Variants in IMMP2L observed in about 807,000 individuals in gnomAD.
IMMP2L encodes the protein mitochondrial inner membrane protease subunit 2.
In IMMP2L, 18 loss-of-function variants were observed where a neutral mutation model predicts 19.3. The ratio of observed to expected loss-of-function variants is 0.93; its 90% CI spans 0.64 to 1.38. IMMP2L has a LOEUF of 1.38. IMMP2L is among the 40% of genes most tolerant of loss of function. IMMP2L has a pLI of 0.00. For synonymous variants in IMMP2L, 76 were observed against 73.0 expected (o/e 1.04, Z -0.21); for missense variants, 233 against 218.2 (o/e 1.07, Z -0.43).
chr7:111,275,594 A>G (rs543422231), intron 3 of IMMP2L, among the ~76,000 whole-genome samples: 1 of 152,316 alleles, frequency 6.6e-6, no homozygotes, highest in African/African-American at 2.4e-5. Flanking sequence ...TTCACAAGGT[A>G]ACACAATTAA....
chr7:111,387,576 T>C (rs1302180575), intron 3 of IMMP2L, among the ~76,000 whole-genome samples: 1 of 152,116 alleles, frequency 6.6e-6, no homozygotes, highest in African/African-American at 2.4e-5. Context: ...ATCTTTAACA[T>C]CAAAAATGGC....
intron 3 of IMMP2L, among the ~76,000 whole-genome samples, chr7:111,061,119 G>A (rs752731113): frequency 7.9e-5 from 12 of 152,146 alleles, no homozygotes; most frequent in East Asian, 1.9e-4. Flanking sequence ...CACCTGAGAC[G>A]GAGGAGTTTC....
intron 3 of IMMP2L, among the ~76,000 whole-genome samples, chr7:111,316,845 C>CTTT (rs869155077): frequency 1.2e-3 from 91 of 75,908 alleles, no homozygotes; most frequent in Admixed American, 1.5e-3. Flanking sequence ...TTTTTTTTTT[C>CTTT]TTTTTTTTTT....
In IMMP2L at chr7:111,525,494, C is replaced by T. The variant is rs376761243; in HGVS notation, c.-2-4045G>A. On this transcript the variant is annotated intron_variant, in intron 1 of 5. Coordinates refer to ENST00000405709, the MANE Select transcript of IMMP2L (RefSeq NM_032549.4). ...TTTGAAATAATCATCTATCTGAAAGCCTGGATAGGACAAAAATGGATATAG... is the reference window on the plus strand; with the variant it reads ...TTTGAAATAATCATCTATCTGAAAGTCTGGATAGGACAAAAATGGATATAG... Among the ~76,000 whole-genome samples the T allele has an allele frequency of 5.1e-4, 78 of 152,144 alleles. 2 individuals are homozygous for T. Among genetic ancestry groups the T allele is most frequent in the African/African-American group, 1.7e-3 (72 of 41,514 alleles).
At chr7:110,986,146 G>A (rs1821825149) in intron 3 of IMMP2L, among the ~76,000 whole-genome samples, 1 of 152,052 alleles carries the variant, frequency 6.6e-6, no homozygotes, top group Non-Finnish European at 1.5e-5. Flanking sequence ...TCTAACTTCT[G>A]TCATACAGTA....
intron 5 of IMMP2L, among the ~76,000 whole-genome samples, chr7:110,853,137 C>A (rs997538427): frequency 6.6e-6 from 1 of 151,372 alleles, no homozygotes; most frequent in Non-Finnish European, 1.5e-5. Flanking sequence ...TATCTGAGTA[C>A]ACACACACAC....
rs557113119 is a variant in IMMP2L at position 111,530,261 on chromosome 7, G to T, written c.-2-8812C>A. Among the ~76,000 whole-genome samples the T allele has an allele frequency of 3.3e-4, 50 of 152,288 alleles. 1 individual carries two copies. Among genetic ancestry groups the T allele is most frequent in the Non-Finnish European group, 6.5e-4 (44 of 68,012 alleles). On this transcript the variant is annotated intron_variant, in intron 1 of 5. Coordinates refer to ENST00000405709, the MANE Select transcript of IMMP2L (RefSeq NM_032549.4). The stretch of plus-strand genomic sequence containing the variant: ...ACATAAGCATTTGTGTAAAGAAAAT[G>T]ACTAGATCATCAAATAAAGGATATT...
At chr7:111,185,811 T>A (rs1808208326) in intron 3 of IMMP2L, among the ~76,000 whole-genome samples, 1 of 152,184 alleles carries the variant, frequency 6.6e-6, no homozygotes, top group Non-Finnish European at 1.5e-5. Flanking sequence ...TAAACAGATA[T>A]GAGTAATTAG....
intron 5 of IMMP2L, among the ~76,000 whole-genome samples, chr7:110,740,815 A>G (rs1219546089): frequency 6.6e-6 from 1 of 152,138 alleles, no homozygotes; most frequent in African/African-American, 2.4e-5. Flanking sequence ...GTGGGAATGT[A>G]AACTAGTACA....
chr7:111,529,379 TA>T (rs1396366731), intron 1 of IMMP2L, among the ~76,000 whole-genome samples: 1 of 152,190 alleles, frequency 6.6e-6, no homozygotes, highest in African/African-American at 2.4e-5. Context: ...GCAAGTAATC[TA>T]TAGAAAGCAA....
chr7:110,886,654 C>T lies in IMMP2L; in HGVS notation c.347G>A (p.Gly116Asp). ...ATGATCACCTTCAACCCAGATGTGA[C>T]CACGGGGGACTTTGACATACCGGTT... is the stretch of plus-strand genomic sequence containing the variant. ...HKNRYVKVPR[G>D]HIWVEGDHHG... The change falls in exon 5 of 6, where the codon GGT becomes GAT. Residue 116 changes from glycine (G) to aspartate (D), a missense_variant. Gly to Asp is a moderately conservative substitution (Grantham distance 94). Transcript: ENST00000405709. 1 of 1,608,872 alleles carries T rather than the reference C, an allele frequency of 6.2e-7. No homozygotes were observed. Among genetic ancestry groups the T allele is most frequent in the Non-Finnish European group, 8.5e-7 (1 of 1,175,526 alleles).
rs1326263684 is a variant in IMMP2L at position 111,503,723 on chromosome 7, A to C, written c.136-16382T>G. On this transcript the variant is annotated intron_variant, in intron 2 of 5. Transcript: ENST00000405709. ...AAACAGAACCAAAGACAAAAACCAC[A>C]TGATTATCTCAATAGATGCAGAAAA... Among the ~76,000 whole-genome samples the C allele has an allele frequency of 2.0e-5, 3 of 152,186 alleles. No individual in the cohort carries two copies. In the East Asian group the frequency reaches 5.8e-4, roughly 29 times the overall value.
Position 110,663,622 on chromosome 7 carries a change from C to T in IMMP2L, c.508G>A (p.Val170Ile). 6.2e-7 allele frequency: 1 copy of T among 1,613,320 alleles called. No individual in the cohort carries two copies. Among genetic ancestry groups the T allele is most frequent in the South Asian group, 1.1e-5 (1 of 91,032 alleles). ...TGCAGTCATTCCTCTTCTCTCTGTA[C>T]TGGTAAGCGCTCTGGAGGAAGAACA... ...ESVLPPERLP[V>I]QREEE Residue 170 changes from valine to isoleucine, a missense_variant, in exon 6 of 6, where the codon GTA becomes ATA. Coordinates refer to ENST00000405709, the MANE Select transcript of IMMP2L (RefSeq NM_032549.4).
At chr7:111,080,181 T>G (rs1795772163) in intron 3 of IMMP2L, among the ~76,000 whole-genome samples, 1 of 152,166 alleles carries the variant, frequency 6.6e-6, no homozygotes, top group Non-Finnish European at 1.5e-5. Context: ...TTAATTGAAA[T>G]GTAGGACTGT....
rs183411660 is a variant in IMMP2L at position 110,959,012 on chromosome 7, A to C, written c.305+4488T>G. 6.6e-5 allele frequency among the ~76,000 whole-genome samples: 10 copies of C among 152,106 alleles called. No individual in the cohort carries two copies. In the East Asian group the frequency reaches 1.9e-3, roughly 30 times the overall value. ...GGTACCCTTAAGTGCTCTTTAAGCTATATTTCACTACATATCTGCTTTTGC... is the reference window on the plus strand; with the variant it reads ...GGTACCCTTAAGTGCTCTTTAAGCTCTATTTCACTACATATCTGCTTTTGC... On this transcript the variant is annotated intron_variant, in intron 4 of 5. Coordinates refer to ENST00000405709, the MANE Select transcript of IMMP2L (RefSeq NM_032549.4).
chr7:110,930,877 A>G (rs1477753429), intron 4 of IMMP2L, among the ~76,000 whole-genome samples: 1 of 152,248 alleles, frequency 6.6e-6, no homozygotes, highest in Admixed American at 6.5e-5. Flanking sequence ...AGCTATGTTT[A>G]TACACATTTA....
At chr7:111,375,031 G>A (rs769749620) in intron 3 of IMMP2L, among the ~76,000 whole-genome samples, 50 of 152,058 alleles carry the variant, frequency 3.3e-4, no homozygotes, top group African/African-American at 9.6e-4. Flanking sequence ...CCTTCATAGC[G>A]GGGGGTCTTA....
chr7:110,935,739 A>G (rs1816030330), intron 4 of IMMP2L, among the ~76,000 whole-genome samples: 1 of 152,186 alleles, frequency 6.6e-6, no homozygotes, highest in Admixed American at 6.5e-5. Context: ...ACATACAGCT[A>G]AGACAATCCT....
rs112774725 is a variant in IMMP2L at position 110,862,463 on chromosome 7, C to T, written c.408+24130G>A. Among the ~76,000 whole-genome samples, 4 of 151,742 alleles carry T rather than the reference C, an allele frequency of 2.6e-5. No homozygotes were observed. The South Asian group carries it at 8.3e-4, about 32-fold the overall frequency. On this transcript the variant is annotated intron_variant, in intron 5 of 5. Coordinates refer to ENST00000405709, the MANE Select transcript of IMMP2L (RefSeq NM_032549.4). ...CAAGCGATCCTCCCACATCAGACCC[C>T]GAGCAGCTGTGTCTATAGATATGTG...
Sources: gnomAD v4.1 joint callset for allele counts (sites outside exome capture counted in the v4.1 genomes callset) on GRCh38, gnomAD v4.1.1 for gene constraint, MANE v1.5 for transcripts, NCBI Gene and HGNC (gene_info 2026-07-23, HGNC 2026-07-21) for gene names.